SLC38A12: variants seen among roughly 807,000 people sequenced by gnomAD.
SLC38A12 encodes solute carrier family 38 member 12.
At chr17:74,811,770 G>A in the SLC38A12 span, among the ~76,000 whole-genome samples, 509 of 151,906 alleles carry the variant, frequency 3.4e-3, 3 homozygotes, top group African/African-American at 0.011. Flanking sequence ...GGTGGCTCAC[G>A]CCTGTAATCC....
At chr17:74,806,628 T>G in the SLC38A12 span, among the ~76,000 whole-genome samples, 1 of 152,062 alleles carries the variant, frequency 6.6e-6, no homozygotes, top group Non-Finnish European at 1.5e-5. Context: ...ACAGTCCCTA[T>G]TTTCTTCCTG....
chr17:74,794,893 A>G, the SLC38A12 span: 1 of 805,290 alleles, frequency 1.2e-6, no homozygotes, highest in Non-Finnish European at 2.0e-6. Flanking sequence ...GAAAGTAAAC[A>G]GCTCAGAGAA....
At chr17:74,810,351 G>C in the SLC38A12 span, among the ~76,000 whole-genome samples, 1 of 152,210 alleles carries the variant, frequency 6.6e-6, no homozygotes, top group Admixed American at 6.5e-5. Context: ...CTATTCAGTA[G>C]GCATCTCCCA....
At chr17:74,812,329 T>G in the SLC38A12 span, among the ~76,000 whole-genome samples, 1 of 152,206 alleles carries the variant, frequency 6.6e-6, no homozygotes, top group Non-Finnish European at 1.5e-5. Flanking sequence ...TGACCCACAC[T>G]GCCTCAGAAC....
At chr17:74,832,794 G>C in the SLC38A12 span, among the ~76,000 whole-genome samples, 1 of 152,210 alleles carries the variant, frequency 6.6e-6, no homozygotes, top group African/African-American at 2.4e-5. Flanking sequence ...TAACACTCTG[G>C]AATCACCTCC....
chr17:74,835,898 C>T, the SLC38A12 span: 2 of 1,576,110 alleles, frequency 1.3e-6, no homozygotes, highest in African/African-American at 2.7e-5. Flanking sequence ...CCTGTCCCCA[C>T]CAGGTGACTC....
the SLC38A12 span, among the ~76,000 whole-genome samples, chr17:74,799,938 G>A: frequency 6.6e-6 from 1 of 152,226 alleles, no homozygotes; most frequent in Non-Finnish European, 1.5e-5. Context: ...CCCTCCCACG[G>A]TTTACCTTGC....
chr17:74,795,188 G>C, the SLC38A12 span: 1 of 1,239,640 alleles, frequency 8.1e-7, no homozygotes. Flanking sequence ...GTGTCCAGGG[G>C]AGAAGCACCA....
chr17:74,831,713 C>T, the SLC38A12 span, among the ~76,000 whole-genome samples: 276 of 152,318 alleles, frequency 1.8e-3, no homozygotes, highest in Admixed American at 4.2e-3. Context: ...GGGGGCCGAC[C>T]CCCCTGCACA....
chr17:74,823,410 C>CA, the SLC38A12 span, among the ~76,000 whole-genome samples: 1 of 152,254 alleles, frequency 6.6e-6, no homozygotes, highest in African/African-American at 2.4e-5. Flanking sequence ...CCAGCTCCTC[C>CA]AAGGGCCTCT....
At chr17:74,823,048 G>A in the SLC38A12 span, among the ~76,000 whole-genome samples, 3 of 152,338 alleles carry the variant, frequency 2.0e-5, no homozygotes, top group East Asian at 3.9e-4. Flanking sequence ...GTGCCAAGTT[G>A]TCAGTTCGCC....
chr17:74,832,859 A>T, the SLC38A12 span, among the ~76,000 whole-genome samples: 1 of 152,272 alleles, frequency 6.6e-6, no homozygotes, highest in Admixed American at 6.5e-5. Context: ...CATCCAGCCC[A>T]CGAAGGTAGA....
chr17:74,820,087 G>A, the SLC38A12 span, among the ~76,000 whole-genome samples: 1 of 152,250 alleles, frequency 6.6e-6, no homozygotes, highest in African/African-American at 2.4e-5. Context: ...GTCACATAGT[G>A]TGGATGGAGC....
chr17:74,795,122 T>TCCTGAC, the SLC38A12 span: 1 of 1,612,684 alleles, frequency 6.2e-7, no homozygotes, highest in Non-Finnish European at 8.5e-7. Context: ...GTGAGTACCC[T>TCCTGAC]CCTGGCCCCC....
At chr17:74,790,421 C>G in the SLC38A12 span, 1 of 858,716 alleles carries the variant, frequency 1.2e-6, no homozygotes. Context: ...GGTTCTGAGG[C>G]AGGCCCTGTG....
chr17:74,830,305 T>C, the SLC38A12 span, among the ~76,000 whole-genome samples: 1 of 152,354 alleles, frequency 6.6e-6, no homozygotes, highest in East Asian at 1.9e-4. Context: ...GGGAGAGATG[T>C]TGACTTTCAT....
At chr17:74,815,038 T>A in the SLC38A12 span, among the ~76,000 whole-genome samples, 1 of 151,884 alleles carries the variant, frequency 6.6e-6, no homozygotes, top group Non-Finnish European at 1.5e-5. Flanking sequence ...AGCAGGAGGG[T>A]GAAGGCATGA....
the SLC38A12 span, chr17:74,795,581 T>C: frequency 3.4e-4 from 548 of 1,614,074 alleles, 1 homozygote; most frequent in African/African-American, 6.4e-3. Flanking sequence ...ACAATGACAC[T>C]GACCGGTGCT....
the SLC38A12 span, chr17:74,819,928 C>G: frequency 1.6e-6 from 2 of 1,256,768 alleles, no homozygotes; most frequent in South Asian, 2.5e-5. Flanking sequence ...GCAGGGCCCC[C>G]AGCCGTAGCT....
Sources: gnomAD v4.1 joint callset for allele counts (sites outside exome capture counted in the v4.1 genomes callset) on GRCh38, gnomAD v4.1.1 for gene constraint, MANE v1.5 for transcripts, NCBI Gene and HGNC (gene_info 2026-07-23, HGNC 2026-07-21) for gene names.